SH3TC2: variants seen among roughly 807,000 people sequenced by gnomAD.
SH3TC2 encodes the protein SH3 domain and tetratricopeptide repeats 2.
SH3TC2 carries 87 observed loss-of-function variants against 124.5 expected under a neutral mutation model. The observed-to-expected ratio is 0.70, with a 90% confidence interval of 0.59 to 0.84. SH3TC2 has a LOEUF of 0.84. Ranked by LOEUF, SH3TC2 falls within the 40% of genes least tolerant of loss-of-function variation. The pLI, the probability that SH3TC2 is intolerant of heterozygous loss-of-function variation, is 0.00. For synonymous variants in SH3TC2, 634 were observed against 628.5 expected (o/e 1.01, Z -0.13); for missense variants, 1,536 against 1,566.4 (o/e 0.98, Z 0.33).
At chr5:149,038,248 T>A in intron 8 of SH3TC2, 47 bp downstream of exon 8, 2 of 1,597,254 alleles carry the variant, frequency 1.3e-6, no homozygotes, top group South Asian at 2.2e-5. Context: ...GAGGGAACCC[T>A]GGGAAAGGGA....
In SH3TC2 at chr5:148,985,883, T is replaced by A; in HGVS notation, c.*18828A>T. 6.6e-6 allele frequency among the ~76,000 whole-genome samples: 1 copy of A among 152,182 alleles called. No individual in the cohort carries two copies. Among genetic ancestry groups the A allele is most frequent in the Middle Eastern group, 3.2e-3 (1 of 316 alleles). On this transcript the variant is annotated 3_prime_UTR_variant, in exon 17 of 17. Transcript: ENST00000515425. The stretch of plus-strand genomic sequence containing the variant: ...TCATTTTTATATAGATTTGGCCCAC[T>A]ATCATATCTCCATTAGGGCTCAAAA...
intron 12 of SH3TC2, among the ~76,000 whole-genome samples, chr5:149,018,940 C>G (rs1288516358): frequency 2.0e-5 from 3 of 152,188 alleles, no homozygotes; most frequent in Admixed American, 2.0e-4. Flanking sequence ...TCTCCTTTCC[C>G]TACAAACCTC....
Position 149,013,388 on chromosome 5 carries a change from C to G in SH3TC2, c.3054-654G>C, listed in dbSNP as rs1168006264. 2.6e-5 allele frequency among the ~76,000 whole-genome samples: 4 copies of G among 152,230 alleles called. No individual in the cohort carries two copies. The South Asian group carries it at 6.2e-4, about 24-fold the overall frequency. ...CTTCAGCCATGATTGTGAGGCCTCC[C>G]CAGCCATATGGAACTGTGAGTCCAT... On this transcript the variant is annotated intron_variant, in intron 12 of 16. Coordinates refer to ENST00000515425, the MANE Select transcript of SH3TC2 (RefSeq NM_024577.4).
Position 148,986,531 on chromosome 5 carries a change from A to G in SH3TC2, c.*18180T>C, listed in dbSNP as rs1427313316. 6.6e-5 allele frequency among the ~76,000 whole-genome samples: 10 copies of G among 152,232 alleles called. No homozygotes were observed. The highest frequency in any genetic ancestry group is 5.9e-4 in the Admixed American group (9 of 15,282). ...GACCCTTTGTGAGTTAAGATCTGCC[A>G]GGGTAGCAACCTCCATCAACTACAT... On this transcript the variant is annotated 3_prime_UTR_variant, in exon 17 of 17. Transcript: ENST00000515425.
Position 149,012,583 on chromosome 5 carries a change from C to T in SH3TC2, c.3204+1G>A. The T allele has an allele frequency of 6.2e-7, 1 of 1,614,172 alleles. No homozygotes were observed. The highest frequency in any genetic ancestry group is 1.1e-5 in the South Asian group (1 of 91,080). On this transcript the variant is annotated splice_donor_variant, in intron 13 of 16. Coordinates refer to ENST00000515425, the MANE Select transcript of SH3TC2 (RefSeq NM_024577.4). LOFTEE classifies it high-confidence loss of function. Reference sequence around the variant, plus strand: ...CCCAGAGAGCTCTGCAGGAGGCCTACCTGCAGGCACAGCTCCACCAGCTCG... The same window carrying T: ...CCCAGAGAGCTCTGCAGGAGGCCTATCTGCAGGCACAGCTCCACCAGCTCG...
Position 149,002,499 on chromosome 5 carries a change from A to G in SH3TC2, c.*2212T>C, listed in dbSNP as rs891587986. ...CTCTAGAGTAGACAGCCTTTTGACA[A>G]CCAACCACATCTCTAAGAGAAAATG... is the stretch of plus-strand genomic sequence containing the variant. On this transcript the variant is annotated 3_prime_UTR_variant, in exon 17 of 17. Coordinates refer to ENST00000515425, the MANE Select transcript of SH3TC2 (RefSeq NM_024577.4). 1.4e-4 allele frequency: 22 copies of G among 152,462 alleles called. No homozygotes were observed. The highest frequency in any genetic ancestry group is 4.8e-4 in the African/African-American group (20 of 41,554). The allele number at this position is 152,462 out of a possible 1,614,324, so 9.4% of individuals were successfully genotyped here. A position where few individuals can be genotyped will look rare whatever the true frequency, so the allele number is the denominator to read the frequency against.
At chr5:149,031,495 A>C (rs1754192370) in intron 9 of SH3TC2, 59 bp downstream of exon 9, 1 of 1,610,548 alleles carries the variant, frequency 6.2e-7, no homozygotes, top group Non-Finnish European at 8.5e-7. Context: ...CTGGTTAGGG[A>C]CACTATCTTA....
At chr5:149,048,145 C>A in intron 2 of SH3TC2, 156 bp from the exon 3 acceptor site, 1 of 1,019,200 alleles carries the variant, frequency 9.8e-7, no homozygotes, top group Non-Finnish European at 1.5e-6. Flanking sequence ...CTTCTCGGAG[C>A]ACTCCTTTAA....
At chr5:149,057,323 C>T (rs1275212537) in intron 1 of SH3TC2, among the ~76,000 whole-genome samples, 1 of 152,090 alleles carries the variant, frequency 6.6e-6, no homozygotes, top group African/African-American at 2.4e-5. Context: ...GGAACATTTC[C>T]ATACGCTTTT....
rs1023240949 is a variant in SH3TC2, at chr5:148,988,773, C to G, written c.*15938G>C. On this transcript the variant is annotated 3_prime_UTR_variant, in exon 17 of 17. Coordinates refer to ENST00000515425, the MANE Select transcript of SH3TC2 (RefSeq NM_024577.4). Reference sequence around the variant, plus strand: ...GAGCCCAGTCAATCCATCAGACCAACAGATGATGATAAGCTGTTTTAAATC... The same window carrying G: ...GAGCCCAGTCAATCCATCAGACCAAGAGATGATGATAAGCTGTTTTAAATC... 1.3e-5 allele frequency among the ~76,000 whole-genome samples: 2 copies of G among 152,246 alleles called. No individual in the cohort carries two copies. Among genetic ancestry groups the G allele is most frequent in the Non-Finnish European group, 2.9e-5 (2 of 68,054 alleles).
At chr5:149,010,193 T>C in intron 14 of SH3TC2, 77 bp downstream of exon 14, 1 of 1,604,998 alleles carries the variant, frequency 6.2e-7, no homozygotes, top group Non-Finnish European at 8.5e-7. Flanking sequence ...GAAGAGGGAC[T>C]CAGGCCGAAG....
chr5:149,032,903 C>G lies in SH3TC2; in HGVS notation c.1002-1216G>C, dbSNP rs62378238. On this transcript the variant is annotated intron_variant, in intron 8 of 16. Coordinates refer to ENST00000515425, the MANE Select transcript of SH3TC2 (RefSeq NM_024577.4). ...GCTGATCGCCAGATTCCCCCCAACA[C>G]CACGGAAGCTTCTAATCTCAAAACA... Among the ~76,000 whole-genome samples, 411 of 152,294 alleles carry G rather than the reference C, an allele frequency of 2.7e-3. 2 individuals carry two copies. Among genetic ancestry groups the G allele is most frequent in the South Asian group, 8.3e-3 (40 of 4,822 alleles).
rs1322820644 is a variant in SH3TC2 at position 148,995,615 on chromosome 5, A to T, written c.*9096T>A. Among the ~76,000 whole-genome samples the T allele has an allele frequency of 6.6e-6, 1 of 152,208 alleles. No individual in the cohort carries two copies. Among genetic ancestry groups the T allele is most frequent in the Non-Finnish European group, 1.5e-5 (1 of 68,032 alleles). On this transcript the variant is annotated 3_prime_UTR_variant, in exon 17 of 17. Transcript: ENST00000515425. ...AATCACTCATGAGCAATAAGTAGTTATATTATAGTTTTAAAACTTTCTCCC... is the reference window on the plus strand; with the variant it reads ...AATCACTCATGAGCAATAAGTAGTTTTATTATAGTTTTAAAACTTTCTCCC...
chr5:149,009,999 G>A (rs76219110), intron 14 of SH3TC2, among the ~76,000 whole-genome samples: 1 of 152,290 alleles, frequency 6.6e-6, no homozygotes, highest in East Asian at 1.9e-4. Flanking sequence ...CCAAGAGTCT[G>A]AGATGGTCTT....
rs1403279757 is a variant in SH3TC2 at position 149,052,251 on chromosome 5, T to C, written c.53-11A>G. On this transcript the variant is annotated splice_polypyrimidine_tract_variant and intron_variant, in intron 1 of 16. Transcript: ENST00000515425. ...AAGGAGTTTCTTTACCTGGAGAAGATGAAATAAAAGGTCATCTTAAGAGTG... is the reference window on the plus strand; with the variant it reads ...AAGGAGTTTCTTTACCTGGAGAAGACGAAATAAAAGGTCATCTTAAGAGTG... The C allele has an allele frequency of 6.3e-7, 1 of 1,587,254 alleles. No individual in the cohort carries two copies. The highest frequency in any genetic ancestry group is 8.7e-7 in the Non-Finnish European group (1 of 1,155,744).
intron 14 of SH3TC2, among the ~76,000 whole-genome samples, 154 bp downstream of exon 14, chr5:149,010,116 G>A (rs1387886172): frequency 6.6e-6 from 1 of 152,178 alleles, no homozygotes; most frequent in African/African-American, 2.4e-5. Flanking sequence ...CCACTAGGTT[G>A]AAGAGAGAGT....
intron 12 of SH3TC2, among the ~76,000 whole-genome samples, chr5:149,014,931 T>A (rs1753845868): frequency 6.6e-6 from 1 of 152,204 alleles, no homozygotes; most frequent in Admixed American, 6.5e-5. Flanking sequence ...TATTTCCTGC[T>A]CTGTTTTTTT....
At position 149,041,597 on chromosome 5, in the gene SH3TC2, G is replaced by T; in HGVS notation, c.550C>A (p.Leu184Met). Residue 184 changes from leucine (L) to methionine (M), a missense_variant, in exon 6 of 17, where the codon CTG becomes ATG. By Grantham distance (15) the Leu-to-Met change is conservative. Transcript: ENST00000515425. ...TCGGCTGGTGGAGTCACGGAGCACA[G>T]GGCTCTGCAGAAGAAGTGGCCTGTG... ...IQEGHFFCRALCSVTPPAEKE... is the reference protein window; with the variant it reads ...IQEGHFFCRAMCSVTPPAEKE... 1 of 1,614,206 alleles carries T rather than the reference G, an allele frequency of 6.2e-7. No individual in the cohort carries two copies. Among genetic ancestry groups the T allele is most frequent in the Non-Finnish European group, 8.5e-7 (1 of 1,180,040 alleles).
chr5:149,038,766 G>A (rs544567684), intron 7 of SH3TC2, among the ~76,000 whole-genome samples: 15 of 152,288 alleles, frequency 9.8e-5, no homozygotes, highest in Admixed American at 3.9e-4. Flanking sequence ...CTCAGATAGC[G>A]GATATGCCTT....
Sources: allele counts gnomAD v4.1 joint callset (sites outside exome capture counted in the v4.1 genomes callset), GRCh38; gene constraint gnomAD v4.1.1; transcripts MANE v1.5; gene names NCBI Gene and HGNC (gene_info 2026-07-23, HGNC 2026-07-21).